SLC25A21: variants seen among roughly 807,000 people sequenced by gnomAD.
The protein encoded by SLC25A21 is mitochondrial 2-oxodicarboxylate carrier.
Under a neutral mutation model 43.8 loss-of-function variants are expected in SLC25A21, and 47 were observed. The ratio of observed to expected loss-of-function variants is 1.07; its 90% CI spans 0.85 to 1.37. SLC25A21 has a LOEUF of 1.37. Ranked by LOEUF, SLC25A21 falls within the 40% of genes most tolerant of loss-of-function variation. The probability of loss-of-function intolerance (pLI) is 0.00; values close to 1 mark genes in which losing one functional copy is unlikely to be tolerated. For synonymous variants in SLC25A21, 131 were observed against 121.3 expected (o/e 1.08, Z -0.52); for missense variants, 352 against 350.2 (o/e 1.00, Z -0.04).
chr14:36,686,605 G>T (rs549199738), intron 7 of SLC25A21, among the ~76,000 whole-genome samples: 1 of 152,272 alleles, frequency 6.6e-6, no homozygotes, highest in South Asian at 2.1e-4. Context: ...TATAAGTGTT[G>T]CACAAACCTG....
chr14:36,802,604 G>A (rs1207358525), intron 3 of SLC25A21, among the ~76,000 whole-genome samples: 1 of 152,078 alleles, frequency 6.6e-6, no homozygotes, highest in South Asian at 2.1e-4. Context: ...AGGTCTCTTT[G>A]AACCCCAAGG....
At chr14:37,076,987 T>C (rs1962294300) in intron 1 of SLC25A21, among the ~76,000 whole-genome samples, 1 of 152,194 alleles carries the variant, frequency 6.6e-6, no homozygotes, top group Admixed American at 6.5e-5. Context: ...ATGTGAATAA[T>C]GAAATATTGG....
chr14:37,020,544 C>T (rs1960963339), intron 1 of SLC25A21, among the ~76,000 whole-genome samples: 1 of 151,364 alleles, frequency 6.6e-6, no homozygotes, highest in South Asian at 2.1e-4. Flanking sequence ...ATACAATGTA[C>T]TTGTTCAATT....
chr14:36,757,978 C>A (rs1266505014), intron 3 of SLC25A21, among the ~76,000 whole-genome samples: 1 of 152,224 alleles, frequency 6.6e-6, no homozygotes, highest in African/African-American at 2.4e-5. Flanking sequence ...GGGTGCCTAC[C>A]GCAAGAGGAT....
At chr14:36,787,392 A>C (rs918239290) in intron 3 of SLC25A21, among the ~76,000 whole-genome samples, 2 of 152,202 alleles carry the variant, frequency 1.3e-5, no homozygotes, top group African/African-American at 4.8e-5. Context: ...CAAAAGGACC[A>C]ATGTCATTTT....
intron 1 of SLC25A21, among the ~76,000 whole-genome samples, chr14:36,940,121 C>A (rs1239224733): frequency 1.3e-5 from 2 of 152,102 alleles, no homozygotes; most frequent in Admixed American, 1.3e-4. Context: ...TGCAAAGTTT[C>A]ATCATTAGAC....
At chr14:36,858,956 A>C (rs1889985145) in intron 2 of SLC25A21, among the ~76,000 whole-genome samples, 1 of 152,232 alleles carries the variant, frequency 6.6e-6, no homozygotes, top group Admixed American at 6.5e-5. Context: ...TCAATGTAAC[A>C]AGGAAATAGA....
intron 1 of SLC25A21, among the ~76,000 whole-genome samples, chr14:36,996,272 T>C (rs755616609): frequency 1.1e-4 from 17 of 152,216 alleles, no homozygotes; most frequent in Non-Finnish European, 1.8e-4. Context: ...TTCTCTGTGC[T>C]TCACTTGATC....
intron 1 of SLC25A21, among the ~76,000 whole-genome samples, chr14:37,111,128 T>C (rs1402772998): frequency 6.6e-6 from 1 of 152,158 alleles, no homozygotes; most frequent in Non-Finnish European, 1.5e-5. Flanking sequence ...GGTTTCTAAA[T>C]TAAAGGTTTG....
chr14:36,867,609 T>A (rs1424203408), intron 2 of SLC25A21, among the ~76,000 whole-genome samples: 1 of 152,150 alleles, frequency 6.6e-6, no homozygotes, highest in Non-Finnish European at 1.5e-5. Flanking sequence ...AGGATTTGAA[T>A]GTAGTGCTTA....
intron 1 of SLC25A21, among the ~76,000 whole-genome samples, chr14:37,040,997 A>G (rs994397389): frequency 6.6e-6 from 1 of 152,132 alleles, no homozygotes; most frequent in Non-Finnish European, 1.5e-5. Flanking sequence ...ATTTAGATGG[A>G]TGTAACTGTG....
At chr14:37,013,508 G>A (rs539405771) in intron 1 of SLC25A21, among the ~76,000 whole-genome samples, 1 of 152,262 alleles carries the variant, frequency 6.6e-6, no homozygotes, top group South Asian at 2.1e-4. Flanking sequence ...TTGAGCATTT[G>A]CAGGCTTGTT....
At chr14:36,909,440 C>G (rs1371755048) in intron 1 of SLC25A21, among the ~76,000 whole-genome samples, 1 of 152,126 alleles carries the variant, frequency 6.6e-6, no homozygotes, top group Non-Finnish European at 1.5e-5. Context: ...AATAGTAAAG[C>G]GTATTCAACT....
At chr14:37,136,005 T>C (rs1963474420) in intron 1 of SLC25A21, among the ~76,000 whole-genome samples, 1 of 152,220 alleles carries the variant, frequency 6.6e-6, no homozygotes, top group Non-Finnish European at 1.5e-5. Context: ...TTACTATCTA[T>C]ATTAATGTTA....
chr14:37,060,080 C>A (rs1048048849), intron 1 of SLC25A21, among the ~76,000 whole-genome samples: 1 of 151,650 alleles, frequency 6.6e-6, no homozygotes, highest in South Asian at 2.1e-4. Flanking sequence ...ATCCTAGCCC[C>A]TTTAAAAAAA....
intron 1 of SLC25A21, among the ~76,000 whole-genome samples, chr14:37,107,482 C>CA (rs1962937493): frequency 1.3e-5 from 2 of 152,012 alleles, no homozygotes; most frequent in South Asian, 4.2e-4. Flanking sequence ...CATATCTGGC[C>CA]AAAAAATATC....
At chr14:36,708,594 C>T (rs1566521401) in intron 7 of SLC25A21, among the ~76,000 whole-genome samples, 1 of 152,172 alleles carries the variant, frequency 6.6e-6, no homozygotes, top group Non-Finnish European at 1.5e-5. Flanking sequence ...CTCACCACAG[C>T]ACCTGGCTAA....
chr14:37,059,593 C>T (rs796603712), intron 1 of SLC25A21, among the ~76,000 whole-genome samples: 1 of 151,954 alleles, frequency 6.6e-6, no homozygotes, highest in African/African-American at 2.4e-5. Flanking sequence ...AAAGGTTAAC[C>T]GAAACAAACA....
intron 3 of SLC25A21, among the ~76,000 whole-genome samples, chr14:36,773,319 C>T (rs1393998934): frequency 6.6e-6 from 1 of 152,132 alleles, no homozygotes; most frequent in Non-Finnish European, 1.5e-5. Context: ...TAGGGCATCT[C>T]ACATTACCAA....
Sources: gnomAD v4.1 joint callset for allele counts (sites outside exome capture counted in the v4.1 genomes callset) on GRCh38, gnomAD v4.1.1 for gene constraint, MANE v1.5 for transcripts, NCBI Gene and HGNC (gene_info 2026-07-23, HGNC 2026-07-21) for gene names.